CSMD1: variants seen among roughly 807,000 people sequenced by gnomAD.
CSMD1 encodes the protein CUB and Sushi multiple domains 1.
Under a neutral mutation model 417.5 loss-of-function variants are expected in CSMD1, and 213 were observed. The ratio of observed to expected loss-of-function variants is 0.51; its 90% CI spans 0.46 to 0.57. The LOEUF is 0.57. CSMD1 is among the 20% of genes least tolerant of loss of function. The pLI, the probability that CSMD1 is intolerant of heterozygous loss-of-function variation, is 0.00. For synonymous variants in CSMD1, 2,862 were observed against 1,736.8 expected (o/e 1.65, Z -16.11); for missense variants, 6,923 against 4,529.7 (o/e 1.53, Z -15.17).
intron 3 of CSMD1, among the ~76,000 whole-genome samples, chr8:4,103,533 C>G (rs970990312): frequency 1.3e-4 from 19 of 151,620 alleles, no homozygotes; most frequent in African/African-American, 3.6e-4. Context: ...TATATATACA[C>G]ACATGTAAAA....
At chr8:4,291,581 C>T (rs138917215) in intron 3 of CSMD1, among the ~76,000 whole-genome samples, 170 of 152,100 alleles carry the variant, frequency 1.1e-3, no homozygotes, top group African/African-American at 3.5e-3. Flanking sequence ...AAAGCTGAAG[C>T]GTAATATTTA....
At chr8:4,894,016 T>C (rs190483495) in intron 1 of CSMD1, among the ~76,000 whole-genome samples, 160 of 151,724 alleles carry the variant, frequency 1.1e-3, no homozygotes, top group Admixed American at 2.7e-3. Context: ...ATAGATACCT[T>C]TGGATTTTCT....
intron 1 of CSMD1, among the ~76,000 whole-genome samples, chr8:4,835,152 T>C (rs544621178): frequency 6.6e-6 from 1 of 151,948 alleles, no homozygotes; most frequent in African/African-American, 2.4e-5. Context: ...GTGAGCAAGA[T>C]GGACCCGAGA....
chr8:3,628,439 A>G (rs968037181), intron 7 of CSMD1, among the ~76,000 whole-genome samples: 1 of 152,222 alleles, frequency 6.6e-6, no homozygotes, highest in African/African-American at 2.4e-5. Flanking sequence ...CATTAACCGT[A>G]AGTCATGAAT....
At chr8:4,451,654 C>T (rs971377682) in intron 2 of CSMD1, among the ~76,000 whole-genome samples, 43 of 152,056 alleles carry the variant, frequency 2.8e-4, no homozygotes, top group African/African-American at 1.2e-4. Flanking sequence ...AGGATACATT[C>T]CTTAGTCAAT....
intron 3 of CSMD1, among the ~76,000 whole-genome samples, chr8:4,168,214 C>G (rs187371250): frequency 6.6e-6 from 1 of 151,550 alleles, no homozygotes; most frequent in South Asian, 2.1e-4. Context: ...TACATATACA[C>G]ACACATATAT....
chr8:3,277,567 C>T (rs564696403), intron 26 of CSMD1, among the ~76,000 whole-genome samples: 15 of 152,280 alleles, frequency 9.9e-5, no homozygotes, highest in African/African-American at 3.6e-4. Flanking sequence ...AAGTTTCATC[C>T]TGACAGCCTG....
At chr8:3,952,708 G>T (rs2627511) in intron 5 of CSMD1, among the ~76,000 whole-genome samples, 1 of 152,104 alleles carries the variant, frequency 6.6e-6, no homozygotes, top group Non-Finnish European at 1.5e-5. Context: ...GAATACACTA[G>T]ATGTCACTGA....
intron 12 of CSMD1, among the ~76,000 whole-genome samples, chr8:3,422,530 T>C (rs998181308): frequency 2.6e-5 from 4 of 152,170 alleles, no homozygotes; most frequent in African/African-American, 9.7e-5. Context: ...AAGAAATCTA[T>C]TGTAAGACAC....
chr8:3,576,547 G>T (rs1481958055), intron 9 of CSMD1, among the ~76,000 whole-genome samples: 1 of 152,094 alleles, frequency 6.6e-6, no homozygotes, highest in Non-Finnish European at 1.5e-5. Flanking sequence ...AGCTAAAATT[G>T]ACCTATTCTA....
intron 33 of CSMD1, among the ~76,000 whole-genome samples, chr8:3,191,789 T>G (rs572327524): frequency 1.3e-5 from 2 of 152,224 alleles, no homozygotes; most frequent in African/African-American, 4.8e-5. Flanking sequence ...AAAATAGTTA[T>G]GCCCTTTGAA....
intron 3 of CSMD1, among the ~76,000 whole-genome samples, chr8:4,382,900 A>C (rs1803196384): frequency 6.6e-6 from 1 of 152,182 alleles, no homozygotes; most frequent in South Asian, 2.1e-4. Flanking sequence ...TTGTTCAAGA[A>C]TACCTAGTTA....
At chr8:3,669,826 G>C (rs1321682027) in intron 7 of CSMD1, among the ~76,000 whole-genome samples, 1 of 152,130 alleles carries the variant, frequency 6.6e-6, no homozygotes, top group African/African-American at 2.4e-5. Context: ...TCAGAGAACA[G>C]GACACAGTGG....
Position 2,998,091 on chromosome 8 carries a change from G to C in CSMD1, c.8297C>G (p.Thr2766Arg). The C allele has an allele frequency of 1.2e-6, 2 of 1,613,972 alleles. No homozygotes were observed. The highest frequency in any genetic ancestry group is 1.3e-5 in the African/African-American group (1 of 75,036). Reference protein sequence around the residue: ...LNDVVNFTCNTGYLLQGVSRA... With the variant: ...LNDVVNFTCNRGYLLQGVSRA... ...AGACACGCCCTGCAGCAAATAGCCCGTGTTGCAGGTGAAATTCACGACATC... is the reference window on the plus strand; with the variant it reads ...AGACACGCCCTGCAGCAAATAGCCCCTGTTGCAGGTGAAATTCACGACATC... The change falls in exon 54 of 70, where the codon ACG (threonine) becomes AGG (arginine). Residue 2766 changes from threonine to arginine, a missense_variant. Transcript: ENST00000635120.
chr8:4,402,800 C>CTTTTTTTTT lies in CSMD1; in HGVS notation c.415+17144_415+17152dup, dbSNP rs60965667. On this transcript the variant is annotated intron_variant, in intron 3 of 69. Transcript: ENST00000635120. ...GTGAGTATAATGTCCTCACTTTTTT[C>CTTTTTTTTT]TTTTTTTTTTTTTTTTTTTTCTTTT... Among the ~76,000 whole-genome samples, 201 of 89,296 alleles carry CTTTTTTTTT rather than the reference C, an allele frequency of 2.3e-3. 1 individual carries two copies. Among genetic ancestry groups the CTTTTTTTTT allele is most frequent in the East Asian group, 3.6e-3 (10 of 2,748 alleles). 58.6% of individuals were successfully genotyped at this position (89,296 alleles called of 152,430 possible). A position where few individuals can be genotyped will look rare whatever the true frequency, so the allele number is the denominator to read the frequency against.
chr8:4,134,271 A>G (rs945249655), intron 3 of CSMD1, among the ~76,000 whole-genome samples: 1 of 152,182 alleles, frequency 6.6e-6, no homozygotes, highest in African/African-American at 2.4e-5. Context: ...TTGCCACAAA[A>G]TGTGACTGTA....
At chr8:3,526,773 A>C (rs1194320776) in intron 10 of CSMD1, among the ~76,000 whole-genome samples, 14 of 152,200 alleles carry the variant, frequency 9.2e-5, no homozygotes, top group Non-Finnish European at 1.9e-4. Flanking sequence ...CCTGTAAAAC[A>C]CACTTCCTAG....
chr8:3,340,542 A>C lies in CSMD1; in HGVS notation c.3631+2752T>G, dbSNP rs1169132926. Among the ~76,000 whole-genome samples the C allele has an allele frequency of 2.0e-5, 3 of 152,240 alleles. 1 individual carries two copies. Among genetic ancestry groups the C allele is most frequent in the Admixed American group, 2.0e-4 (3 of 15,282 alleles). On this transcript the variant is annotated intron_variant, in intron 23 of 69. Transcript: ENST00000635120. ...GAGGCAATTACAAAAGTCTTTTGAA[A>C]ATAGCTGAAAGTGTCTTTACACAGT...
intron 2 of CSMD1, among the ~76,000 whole-genome samples, chr8:4,427,052 C>T (rs1413012956): frequency 6.6e-6 from 1 of 151,908 alleles, no homozygotes; most frequent in Non-Finnish European, 1.5e-5. Flanking sequence ...GACGGAACAG[C>T]CCCAGAGAGC....
Sources: allele counts gnomAD v4.1 joint callset (sites outside exome capture counted in the v4.1 genomes callset), GRCh38; gene constraint gnomAD v4.1.1; transcripts MANE v1.5; gene names NCBI Gene and HGNC (gene_info 2026-07-23, HGNC 2026-07-21).